Variants in SHISA9 observed in about 807,000 individuals in gnomAD.
SHISA9 encodes the protein shisa family member 9, also known as protein shisa-9.
A neutral mutation model predicts 38.0 loss-of-function variants in SHISA9; 13 were observed. That is an observed-to-expected ratio of 0.34 (90% CI 0.22 to 0.54). SHISA9 has a LOEUF of 0.54. SHISA9 is among the 20% of genes least tolerant of loss of function. The pLI is 0.91. For synonymous variants in SHISA9, 275 were observed against 242.0 expected (o/e 1.14, Z -1.27); for missense variants, 538 against 575.8 (o/e 0.93, Z 0.67).
intron 4 of SHISA9, among the ~76,000 whole-genome samples, chr16:13,215,780 C>G (rs896245383): frequency 2.6e-5 from 4 of 152,178 alleles, no homozygotes. Flanking sequence ...GGTCATTGGT[C>G]TGCCTCTAGT....
the SHISA9 span, among the ~76,000 whole-genome samples, chr16:13,554,381 G>C: frequency 1.0e-4 from 15 of 150,746 alleles, no homozygotes; most frequent in African/African-American, 2.9e-4. Flanking sequence ...GGACTTATAT[G>C]CTACAAGTCT....
intron 2 of SHISA9, among the ~76,000 whole-genome samples, chr16:12,992,513 C>T (rs191783867): frequency 1.1e-4 from 16 of 152,150 alleles, no homozygotes; most frequent in Admixed American, 8.5e-4. Flanking sequence ...GCCTGGGCGA[C>T]AGAGTAAGAC....
At chr16:13,522,838 A>G in the SHISA9 span, among the ~76,000 whole-genome samples, 5 of 152,180 alleles carry the variant, frequency 3.3e-5, no homozygotes, top group African/African-American at 1.2e-4. Flanking sequence ...AATAGCATCC[A>G]CCTTCCAGGG....
At chr16:13,546,517 A>G in the SHISA9 span, among the ~76,000 whole-genome samples, 1 of 152,216 alleles carries the variant, frequency 6.6e-6, no homozygotes, top group Non-Finnish European at 1.5e-5. Flanking sequence ...GTCATTACCT[A>G]TCAATAGTAA....
At chr16:13,329,981 A>G in the SHISA9 span, among the ~76,000 whole-genome samples, 1 of 152,224 alleles carries the variant, frequency 6.6e-6, no homozygotes, top group Non-Finnish European at 1.5e-5. Flanking sequence ...TGTAGGAAAC[A>G]TATCAAGTGT....
At chr16:13,444,974 A>C in the SHISA9 span, among the ~76,000 whole-genome samples, 7 of 132,298 alleles carry the variant, frequency 5.3e-5, no homozygotes, top group East Asian at 2.3e-4. Flanking sequence ...ACACACCACC[A>C]TGCCTAGCTA....
the SHISA9 span, among the ~76,000 whole-genome samples, chr16:13,374,100 C>T: frequency 2.0e-3 from 308 of 152,142 alleles, 1 homozygote; most frequent in Admixed American, 3.1e-3. Flanking sequence ...ACTCTCATCA[C>T]GTTGGCCAGC....
the SHISA9 span, among the ~76,000 whole-genome samples, chr16:13,414,661 T>TTTTTTTTG: frequency 6.6e-6 from 1 of 150,952 alleles, no homozygotes; most frequent in African/African-American, 2.4e-5. Flanking sequence ...TTTTTTTTTT[T>TTTTTTTTG]TCAGACAGAG....
At chr16:13,394,130 C>A in the SHISA9 span, among the ~76,000 whole-genome samples, 3 of 152,170 alleles carry the variant, frequency 2.0e-5, no homozygotes, top group Non-Finnish European at 4.4e-5. Flanking sequence ...TTCCACTCAC[C>A]TTCTTGCATT....
intron 2 of SHISA9, among the ~76,000 whole-genome samples, chr16:13,088,022 T>C (rs1455452642): frequency 1.3e-5 from 2 of 152,344 alleles, no homozygotes; most frequent in Non-Finnish European, 2.9e-5. Context: ...AGGGATCCAG[T>C]TTCAGCTTTC....
rs189984512 is a variant in SHISA9, at chr16:13,117,965, T to G, written c.692-85429T>G. 3.3e-5 allele frequency among the ~76,000 whole-genome samples: 5 copies of G among 152,188 alleles called. No individual in the cohort carries two copies. The East Asian group carries it at 5.8e-4, about 18-fold the overall frequency. ...GGGAGGCTGAGGTGGGCGGATCGCC[T>G]GAGATCAGAAGTTCGAGACCAGCCT... is the stretch of plus-strand genomic sequence containing the variant. On this transcript the variant is annotated intron_variant, in intron 2 of 4. Coordinates refer to ENST00000558583, the MANE Select transcript of SHISA9 (RefSeq NM_001145204.3).
intron 2 of SHISA9, among the ~76,000 whole-genome samples, chr16:12,975,439 G>T (rs1277608342): frequency 1.3e-5 from 2 of 152,036 alleles, no homozygotes; most frequent in African/African-American, 4.8e-5. Flanking sequence ...AGAGGTGGAG[G>T]TTGCAGTGAG....
At chr16:12,999,371 G>A (rs13336106) in intron 2 of SHISA9, among the ~76,000 whole-genome samples, 5 of 152,098 alleles carry the variant, frequency 3.3e-5, no homozygotes, top group South Asian at 2.1e-4. Context: ...CAATGGGCGC[G>A]TTGTGTGGTT....
chr16:13,149,191 A>T (rs940112570), intron 2 of SHISA9, among the ~76,000 whole-genome samples: 2 of 152,124 alleles, frequency 1.3e-5, no homozygotes, highest in African/African-American at 4.8e-5. Context: ...CTGAAAAATG[A>T]TCCTATCTTG....
the SHISA9 span, among the ~76,000 whole-genome samples, chr16:13,534,442 C>T: frequency 6.6e-6 from 1 of 152,204 alleles, no homozygotes; most frequent in East Asian, 1.9e-4. Context: ...CCAGGCTGCT[C>T]TCAAACTCCT....
intron 2 of SHISA9, among the ~76,000 whole-genome samples, chr16:13,200,999 G>T (rs1354308703): frequency 7.4e-6 from 1 of 135,104 alleles, no homozygotes; most frequent in African/African-American, 2.9e-5. Flanking sequence ...GACTTTGAGG[G>T]AGTGTTCTTC....
the SHISA9 span, among the ~76,000 whole-genome samples, chr16:13,487,823 C>G: frequency 6.6e-6 from 1 of 152,138 alleles, no homozygotes; most frequent in African/African-American, 2.4e-5. Context: ...GTTGAATCTG[C>G]AACATGTAAC....
intron 2 of SHISA9, among the ~76,000 whole-genome samples, chr16:13,133,727 G>A (rs2050324578): frequency 6.6e-6 from 1 of 152,166 alleles, no homozygotes; most frequent in Admixed American, 6.5e-5. Flanking sequence ...TGAAAGTCAT[G>A]GAAGTAATTG....
At chr16:13,538,349 A>G in the SHISA9 span, among the ~76,000 whole-genome samples, 1 of 152,318 alleles carries the variant, frequency 6.6e-6, no homozygotes, top group South Asian at 2.1e-4. Context: ...TATAAACACA[A>G]GACATACAGA....
Sources: gnomAD v4.1 joint callset for allele counts (sites outside exome capture counted in the v4.1 genomes callset) on GRCh38, gnomAD v4.1.1 for gene constraint, MANE v1.5 for transcripts, NCBI Gene and HGNC (gene_info 2026-07-23, HGNC 2026-07-21) for gene names.